RANBP2: variants seen among roughly 807,000 people sequenced by gnomAD.
RANBP2 encodes the protein RAN binding protein 2, also known as E3 SUMO-protein ligase RanBP2.
In RANBP2, 57 loss-of-function variants were observed where a neutral mutation model predicts 303.6. The ratio of observed to expected loss-of-function variants is 0.19; its 90% CI spans 0.15 to 0.23. The LOEUF (loss-of-function observed/expected upper bound fraction) is 0.23. Among genes scored for constraint, RANBP2 ranks in the 10% least tolerant of loss-of-function variants. The pLI, the probability that RANBP2 is intolerant of heterozygous loss-of-function variation, is 1.00. For synonymous variants in RANBP2, 1,167 were observed against 1,301.5 expected (o/e 0.90, Z 2.23); for missense variants, 3,138 against 3,780.8 (o/e 0.83, Z 4.46).
the RANBP2 span, among the ~76,000 whole-genome samples, chr2:109,481,130 C>T: frequency 6.6e-6 from 1 of 152,150 alleles, no homozygotes. Context: ...GGAGAAGAAA[C>T]CCTAAGACGT....
the RANBP2 span, among the ~76,000 whole-genome samples, chr2:108,826,424 A>C: frequency 6.6e-6 from 1 of 152,068 alleles, no homozygotes; most frequent in Non-Finnish European, 1.5e-5. Flanking sequence ...ATTTTGAGTT[A>C]GTTTTCATAT....
At chr2:109,606,644 A>T in the RANBP2 span, among the ~76,000 whole-genome samples, 62 of 2,342 alleles carry the variant, frequency 0.026, no homozygotes, top group African/African-American at 0.083. Context: ...CCTTTTATTA[A>T]AAAAAAAATT....
chr2:109,281,850 C>A, the RANBP2 span, among the ~76,000 whole-genome samples: 1 of 152,238 alleles, frequency 6.6e-6, no homozygotes, highest in South Asian at 2.1e-4. Context: ...AGCACACAGA[C>A]CCCCAGCGGG....
chr2:109,289,226 T>C, the RANBP2 span, among the ~76,000 whole-genome samples: 1 of 152,198 alleles, frequency 6.6e-6, no homozygotes, highest in Non-Finnish European at 1.5e-5. Flanking sequence ...GACTGCACGC[T>C]CTATGTGCAC....
At chr2:109,233,531 G>A in the RANBP2 span, among the ~76,000 whole-genome samples, 2 of 152,302 alleles carry the variant, frequency 1.3e-5, no homozygotes, top group African/African-American at 2.4e-5. Context: ...GGTGGTTTTG[G>A]AAAAAGCAAC....
At chr2:108,786,833 G>A, downstream of RANBP2, 1 of 1,591,462 alleles carries the variant, frequency 6.3e-7, no homozygotes, top group South Asian at 1.1e-5. Context: ...ATGGAGCCGA[G>A]GGTCGTCAAG....
the RANBP2 span, among the ~76,000 whole-genome samples, chr2:109,212,582 G>A: frequency 6.6e-6 from 1 of 152,112 alleles, no homozygotes; most frequent in Non-Finnish European, 1.5e-5. Flanking sequence ...AGGAGAAGTC[G>A]GCTGACCCAC....
chr2:109,465,109 A>T, the RANBP2 span, among the ~76,000 whole-genome samples: 1 of 152,154 alleles, frequency 6.6e-6, no homozygotes, highest in Non-Finnish European at 1.5e-5. Flanking sequence ...TTATTTAGTG[A>T]TGTGCATTTA....
At chr2:108,875,523 A>C in the RANBP2 span, among the ~76,000 whole-genome samples, 1 of 152,192 alleles carries the variant, frequency 6.6e-6, no homozygotes, top group African/African-American at 2.4e-5. Flanking sequence ...AAAAATTCTC[A>C]CGCTCTCTAA....
the RANBP2 span, among the ~76,000 whole-genome samples, chr2:109,287,744 C>T: frequency 6.6e-6 from 1 of 152,204 alleles, no homozygotes; most frequent in Non-Finnish European, 1.5e-5. Flanking sequence ...TCTCTGTGGC[C>T]TCTGCAGAGC....
At chr2:109,084,554 C>G in the RANBP2 span, among the ~76,000 whole-genome samples, 1 of 152,158 alleles carries the variant, frequency 6.6e-6, no homozygotes, top group Non-Finnish European at 1.5e-5. Flanking sequence ...TTGGCAGTGA[C>G]ATTGCCATCT....
chr2:109,551,724 A>G, the RANBP2 span, among the ~76,000 whole-genome samples: 64 of 152,372 alleles, frequency 4.2e-4, no homozygotes, highest in Non-Finnish European at 7.3e-4. Context: ...TTTCCTGCAC[A>G]GTTCATTTAC....
the RANBP2 span, among the ~76,000 whole-genome samples, chr2:109,175,864 C>T: frequency 6.6e-6 from 1 of 152,196 alleles, no homozygotes. Context: ...TTTAGTTTTG[C>T]ATCTTAATTA....
chr2:109,130,070 G>A, the RANBP2 span: 2 of 1,368,026 alleles, frequency 1.5e-6, no homozygotes, highest in South Asian at 1.7e-5. Context: ...ACCGCCGGCA[G>A]TCTGCGGGAG....
the RANBP2 span, among the ~76,000 whole-genome samples, chr2:108,836,195 A>G: frequency 4.6e-5 from 7 of 152,132 alleles, no homozygotes; most frequent in African/African-American, 1.7e-4. Context: ...GATGACCACC[A>G]TTCAATTTTC....
At chr2:108,951,467 A>T in the RANBP2 span, among the ~76,000 whole-genome samples, 1 of 152,144 alleles carries the variant, frequency 6.6e-6, no homozygotes, top group Non-Finnish European at 1.5e-5. Flanking sequence ...ACTCCAGAAA[A>T]ACTGAAATGA....
the RANBP2 span, among the ~76,000 whole-genome samples, chr2:109,140,746 C>G: frequency 6.6e-6 from 1 of 152,146 alleles, no homozygotes; most frequent in Non-Finnish European, 1.5e-5. Context: ...CCTATGTGCT[C>G]TACACGTGGT....
chr2:108,986,545 A>G, the RANBP2 span, among the ~76,000 whole-genome samples: 1 of 152,322 alleles, frequency 6.6e-6, no homozygotes, highest in Non-Finnish European at 1.5e-5. Context: ...AGGCCTGGGC[A>G]TACTGAGTGC....
chr2:108,882,955 A>C, the RANBP2 span: 1 of 151,430 alleles, frequency 6.6e-6, no homozygotes, highest in African/African-American at 2.4e-5. Context: ...AAAGGGTGTG[A>C]GGTAGGGGTT....
Sources: gnomAD v4.1 joint callset for allele counts (sites outside exome capture counted in the v4.1 genomes callset) on GRCh38, gnomAD v4.1.1 for gene constraint, MANE v1.5 for transcripts, NCBI Gene and HGNC (gene_info 2026-07-23, HGNC 2026-07-21) for gene names.